Variants in MAP3K7 observed in about 807,000 individuals in gnomAD.
The protein encoded by MAP3K7 is mitogen-activated protein kinase kinase kinase 7, also known as TGF-beta activated kinase 1.
A neutral mutation model predicts 84.8 loss-of-function variants in MAP3K7; 21 were observed. That is an observed-to-expected ratio of 0.25 (90% CI 0.18 to 0.36). The LOEUF (loss-of-function observed/expected upper bound fraction) is 0.36. Ranked by LOEUF, MAP3K7 falls within the 10% of genes least tolerant of loss-of-function variation. MAP3K7 has a pLI of 1.00. For synonymous variants in MAP3K7, 241 were observed against 247.7 expected (o/e 0.97, Z 0.25); for missense variants, 503 against 747.7 (o/e 0.67, Z 3.82).
chr6:90,572,381 C>T (rs557540780), intron 1 of MAP3K7, among the ~76,000 whole-genome samples: 3 of 151,948 alleles, frequency 2.0e-5, no homozygotes, highest in Non-Finnish European at 4.4e-5. Flanking sequence ...ATGTTACTTA[C>T]GATATGAACT....
chr6:90,526,216 C>T (rs534077814), intron 13 of MAP3K7, among the ~76,000 whole-genome samples: 1 of 152,116 alleles, frequency 6.6e-6, no homozygotes. Flanking sequence ...AAAACACACA[C>T]AGTAAAACTT....
At chr6:90,565,976 CAAT>C (rs1424462692) in intron 3 of MAP3K7, among the ~76,000 whole-genome samples, 1 of 152,156 alleles carries the variant, frequency 6.6e-6, no homozygotes, top group Non-Finnish European at 1.5e-5. Context: ...ATAATTATCT[CAAT>C]AGATGCAGAA....
chr6:90,525,593 G>A (rs1461610082), intron 13 of MAP3K7, among the ~76,000 whole-genome samples: 2 of 152,018 alleles, frequency 1.3e-5, no homozygotes, highest in Non-Finnish European at 2.9e-5. Context: ...TTAAAGACAG[G>A]GTCTTGCTCT....
chr6:90,531,118 C>G (rs930169456), intron 13 of MAP3K7, among the ~76,000 whole-genome samples: 2 of 152,102 alleles, frequency 1.3e-5, no homozygotes, highest in Non-Finnish European at 2.9e-5. Context: ...CAAATTTAAA[C>G]CTCAGGGGCA....
At position 90,516,550 on chromosome 6, in the gene MAP3K7, T is replaced by C. The variant is rs775565610; in HGVS notation, c.1772A>G (p.Gln591Arg). The C allele has an allele frequency of 1.6e-5, 26 of 1,612,624 alleles. No individual in the cohort carries two copies. The highest frequency in any genetic ancestry group is 5.0e-5 in the Admixed American group (3 of 59,894). The change falls in exon 17 of 17, where the codon CAA becomes CGA. Residue 591 changes from glutamine to arginine, a missense_variant. Physicochemically the swap from Gln to Arg is conservative, Grantham distance 43 (BLOSUM62 1). Around this residue, in one of 5 missense-constraint regions of MAP3K7, gnomAD observed 43 missense variants for 47.3 expected, o/e 0.91. Coordinates refer to ENST00000369329, the MANE Select transcript of MAP3K7 (RefSeq NM_145331.3). ...LSTYYQQCKK[Q>R]LEVIRSQQQK... The stretch of plus-strand genomic sequence containing the variant: ...CTGCTGACTTCTGATGACCTCTAGT[T>C]GTTTTTTGCATTGCTGGTAGTAAGT...
chr6:90,533,273 G>T (rs1187522661), intron 13 of MAP3K7, among the ~76,000 whole-genome samples: 1 of 152,152 alleles, frequency 6.6e-6, no homozygotes, highest in African/African-American at 2.4e-5. Context: ...GGCTTTATTG[G>T]TATTGTCAAA....
chr6:90,564,069 C>T (rs1181644182), intron 3 of MAP3K7, among the ~76,000 whole-genome samples: 1 of 152,142 alleles, frequency 6.6e-6, no homozygotes, highest in African/African-American at 2.4e-5. Context: ...CTGAAGGAAG[C>T]ACTAAACATG....
chr6:90,523,759 T>C lies in MAP3K7; in HGVS notation c.1381A>G (p.Ser461Gly), dbSNP rs1775230963. ...GQVSSRSSSP[S>G]VRMITTSGPT... ...CCTGAGGTAGTAATCATTCTGACAC[T>C]GGGACTGGATGACCTACTGCTCACC... is the stretch of plus-strand genomic sequence containing the variant. The change falls in exon 14 of 17, where the codon AGT becomes GGT. Residue 461 changes from serine (S) to glycine (G), a missense_variant. Physicochemically the swap from Ser to Gly is moderately conservative, Grantham distance 56 (BLOSUM62 0). Coordinates refer to ENST00000369329, the MANE Select transcript of MAP3K7 (RefSeq NM_145331.3). The C allele has an allele frequency of 6.2e-7, 1 of 1,609,892 alleles. No individual in the cohort carries two copies. The highest frequency in any genetic ancestry group is 8.5e-7 in the Non-Finnish European group (1 of 1,176,452).
intron 3 of MAP3K7, among the ~76,000 whole-genome samples, chr6:90,564,576 C>T (rs572360300): frequency 3.3e-5 from 5 of 152,254 alleles, no homozygotes; most frequent in African/African-American, 1.2e-4. Flanking sequence ...AAAGCAAGTC[C>T]TTAGAGACCT....
intron 11 of MAP3K7, among the ~76,000 whole-genome samples, chr6:90,545,989 T>C (rs946122403): frequency 3.4e-4 from 51 of 152,094 alleles, no homozygotes; most frequent in African/African-American, 1.2e-3. Context: ...CAACAGCCAT[T>C]TTGGAGCACA....
intron 11 of MAP3K7, among the ~76,000 whole-genome samples, chr6:90,546,193 A>G (rs765437733): frequency 6.6e-6 from 1 of 152,186 alleles, no homozygotes; most frequent in African/African-American, 2.4e-5. Context: ...GATAAAATCA[A>G]TGATCATGAT....
At chr6:90,545,219 A>G (rs1193616198) in intron 11 of MAP3K7, among the ~76,000 whole-genome samples, 3 of 152,126 alleles carry the variant, frequency 2.0e-5, no homozygotes, top group African/African-American at 7.2e-5. Context: ...GTACATTCAC[A>G]GTAAACACAA....
intron 1 of MAP3K7, among the ~76,000 whole-genome samples, chr6:90,580,308 T>C (rs992607327): frequency 8.5e-5 from 13 of 152,206 alleles, no homozygotes; most frequent in African/African-American, 3.1e-4. Context: ...TACTGGCAAC[T>C]GAGGTAAACA....
intron 2 of MAP3K7, 44 bp downstream of exon 2, chr6:90,571,653 T>C (rs746516961): frequency 1.8e-6 from 2 of 1,139,030 alleles, no homozygotes; most frequent in South Asian, 3.0e-5. Context: ...TCACAGAGTA[T>C]CTTAAGTGCA....
chr6:90,561,320 G>C (rs1389602996), intron 4 of MAP3K7, among the ~76,000 whole-genome samples: 1 of 151,238 alleles, frequency 6.6e-6, no homozygotes, highest in Admixed American at 6.6e-5. Flanking sequence ...AGTTATGAGA[G>C]GGCAAAAAGA....
intron 13 of MAP3K7, among the ~76,000 whole-genome samples, chr6:90,525,431 C>A (rs890110172): frequency 6.6e-6 from 1 of 152,142 alleles, no homozygotes; most frequent in African/African-American, 2.4e-5. Flanking sequence ...CCAAGTGACC[C>A]TCTTGCCTCA....
chr6:90,542,426 C>T (rs770142320), intron 12 of MAP3K7: 27 of 984,244 alleles, frequency 2.7e-5, no homozygotes, highest in South Asian at 9.4e-5. Context: ...ATGAATAGCA[C>T]TGCTGCTCTG....
chr6:90,565,171 A>G lies in MAP3K7; in HGVS notation c.297+3387T>C, dbSNP rs577520623. Among the ~76,000 whole-genome samples the G allele has an allele frequency of 3.6e-4, 55 of 152,346 alleles. No individual in the cohort carries two copies. In the South Asian group the frequency reaches 0.011, roughly 30 times the overall value. ...GAACTAGAGAAGCAAGAGCAAACACATTCAAAAGTTGGCAGAAGGCAAGAA... is the reference window on the plus strand; with the variant it reads ...GAACTAGAGAAGCAAGAGCAAACACGTTCAAAAGTTGGCAGAAGGCAAGAA... On this transcript the variant is annotated intron_variant, in intron 3 of 16. Coordinates refer to ENST00000369329, the MANE Select transcript of MAP3K7 (RefSeq NM_145331.3).
intron 4 of MAP3K7, among the ~76,000 whole-genome samples, chr6:90,561,300 G>A (rs1776506315): frequency 6.6e-6 from 1 of 151,434 alleles, no homozygotes; most frequent in Non-Finnish European, 1.5e-5. Context: ...TCTAAAATGA[G>A]GAGGCTCAAA....
Sources: allele counts gnomAD v4.1 joint callset (sites outside exome capture counted in the v4.1 genomes callset), GRCh38; gene constraint gnomAD v4.1.1; regional missense constraint gnomAD v4.1.1; transcripts MANE v1.5; gene names NCBI Gene and HGNC (gene_info 2026-07-23, HGNC 2026-07-21).